The following ZFAT variants were observed in gnomAD, a reference collection of about 807,000 sequenced individuals.
ZFAT encodes the protein zinc finger protein ZFAT.
A neutral mutation model predicts 117.7 loss-of-function variants in ZFAT; 64 were observed. The ratio of observed to expected loss-of-function variants is 0.54; its 90% CI spans 0.44 to 0.67. The LOEUF is 0.67. Among genes scored for constraint, ZFAT ranks in the 30% least tolerant of loss-of-function variants. The probability of loss-of-function intolerance (pLI) is 0.00; values close to 1 mark genes in which losing one functional copy is unlikely to be tolerated. For synonymous variants in ZFAT, 679 were observed against 615.0 expected (o/e 1.10, Z -1.54); for missense variants, 1,433 against 1,584.5 (o/e 0.90, Z 1.62).
the ZFAT span, among the ~76,000 whole-genome samples, chr8:134,776,462 C>A: frequency 2.0e-5 from 3 of 151,992 alleles, no homozygotes; most frequent in Non-Finnish European, 4.4e-5. Context: ...ACCACCACAT[C>A]CGGCTAGTTA....
intron 11 of ZFAT, among the ~76,000 whole-genome samples, chr8:134,557,167 A>G (rs181847851): frequency 1.3e-5 from 2 of 152,072 alleles, no homozygotes; most frequent in African/African-American, 4.8e-5. Context: ...AATATGTTGT[A>G]ACAAAGATAA....
the ZFAT span, among the ~76,000 whole-genome samples, chr8:134,817,693 A>T: frequency 6.6e-6 from 1 of 152,176 alleles, no homozygotes; most frequent in South Asian, 2.1e-4. Context: ...AAAAACTGAC[A>T]CTTATTCTAA....
At chr8:134,807,912 A>G in the ZFAT span, among the ~76,000 whole-genome samples, 1 of 152,178 alleles carries the variant, frequency 6.6e-6, no homozygotes, top group African/African-American at 2.4e-5. Context: ...GGTGTTTAGG[A>G]CAGAAAGATG....
At chr8:134,635,736 T>TAAC (rs1830173180) in intron 3 of ZFAT, among the ~76,000 whole-genome samples, 2 of 151,976 alleles carry the variant, frequency 1.3e-5, no homozygotes, top group Admixed American at 1.3e-4. Flanking sequence ...ATCCAGTGAT[T>TAAC]AACAAATCAC....
At chr8:134,789,510 T>C in the ZFAT span, among the ~76,000 whole-genome samples, 252 of 152,330 alleles carry the variant, frequency 1.7e-3, no homozygotes, top group Non-Finnish European at 2.8e-3. Flanking sequence ...CATTTTTCAC[T>C]CAAAAGTCTT....
intron 7 of ZFAT, among the ~76,000 whole-genome samples, chr8:134,592,908 A>C (rs1427259167): frequency 6.6e-6 from 1 of 152,238 alleles, no homozygotes; most frequent in African/African-American, 2.4e-5. Flanking sequence ...AAACATCTGA[A>C]TACCAAGCAA....
intron 2 of ZFAT, among the ~76,000 whole-genome samples, chr8:134,655,674 T>C (rs1213242429): frequency 6.6e-6 from 1 of 152,056 alleles, no homozygotes; most frequent in Non-Finnish European, 1.5e-5. Context: ...AAATAAAAAT[T>C]AAAATTTCTC....
chr8:134,532,943 G>A lies in ZFAT; in HGVS notation c.3006C>T (p.Ser1002=). 1 of 1,607,836 alleles carries A rather than the reference G, an allele frequency of 6.2e-7. No individual in the cohort carries two copies. Among genetic ancestry groups the A allele is most frequent in the South Asian group, 1.1e-5 (1 of 89,422 alleles). Residue 1002 remains serine (S), a synonymous_variant, in exon 12 of 16, where the codon TCC becomes TCT. Coordinates refer to ENST00000377838, the MANE Select transcript of ZFAT (RefSeq NM_020863.4). Reference sequence around the variant, plus strand: ...GCTTCAGAGAGCCAGATATGTTGCAGGAGTAATGGCAATGGGCACAGCGGA... The same window carrying A: ...GCTTCAGAGAGCCAGATATGTTGCAAGAGTAATGGCAATGGGCACAGCGGA... ...KPFRCAHCHY[S]CNISGSLKRH... is the part of the protein sequence containing the mutation.
At chr8:134,624,179 T>A in intron 3 of ZFAT, among the ~76,000 whole-genome samples, 1 of 81,746 alleles carries the variant, frequency 1.2e-5, no homozygotes, top group East Asian at 3.6e-4. Context: ...CATGTGCACA[T>A]GCACACACAC....
At chr8:134,535,920 T>C (rs549398423) in intron 11 of ZFAT, among the ~76,000 whole-genome samples, 7 of 152,306 alleles carry the variant, frequency 4.6e-5, no homozygotes, top group Admixed American at 2.6e-4. Context: ...AAATGCTATA[T>C]TGCCAGCATC....
chr8:134,654,547 A>AC (rs1266514693), intron 2 of ZFAT, among the ~76,000 whole-genome samples: 1 of 152,182 alleles, frequency 6.6e-6, no homozygotes, highest in East Asian at 1.9e-4. Context: ...GAAGGGCCCC[A>AC]CCAGTGAATC....
At chr8:134,563,761 A>T (rs1436706687) in intron 11 of ZFAT, among the ~76,000 whole-genome samples, 1 of 152,166 alleles carries the variant, frequency 6.6e-6, no homozygotes, top group African/African-American at 2.4e-5. Context: ...CACGCAATGG[A>T]TGTTCAATAA....
At chr8:134,804,321 G>A in the ZFAT span, among the ~76,000 whole-genome samples, 15 of 152,278 alleles carry the variant, frequency 9.9e-5, no homozygotes, top group African/African-American at 3.6e-4. Flanking sequence ...GTGGCTTGAC[G>A]TCTTGCAGTT....
the ZFAT span, among the ~76,000 whole-genome samples, chr8:134,799,402 AAAAG>A: frequency 1.3e-5 from 2 of 152,236 alleles, no homozygotes; most frequent in Non-Finnish European, 2.9e-5. Context: ...TATCACCAAA[AAAAG>A]AAAAGGCAGG....
chr8:134,480,503 G>A (rs908789157), intron 15 of ZFAT, among the ~76,000 whole-genome samples: 4 of 152,200 alleles, frequency 2.6e-5, no homozygotes, highest in South Asian at 2.1e-4. Flanking sequence ...CAGATGCCAC[G>A]CTGTGCACTA....
At chr8:134,514,848 T>C (rs1030628976) in intron 13 of ZFAT, among the ~76,000 whole-genome samples, 5 of 152,196 alleles carry the variant, frequency 3.3e-5, no homozygotes, top group Admixed American at 2.0e-4. Flanking sequence ...CTGGGGTACA[T>C]GTGCAGAACA....
chr8:134,787,132 C>A, the ZFAT span, among the ~76,000 whole-genome samples: 17 of 152,188 alleles, frequency 1.1e-4, no homozygotes, highest in Non-Finnish European at 2.4e-4. Flanking sequence ...CAGGCATGAG[C>A]CACTGTGTCT....
the ZFAT span, among the ~76,000 whole-genome samples, chr8:134,816,841 C>T: frequency 6.6e-6 from 1 of 151,860 alleles, no homozygotes; most frequent in Non-Finnish European, 1.5e-5. Context: ...ATTAACTGGG[C>T]ATGGTGGTGC....
chr8:134,712,810 C>CCCCCCCGGGG, intron 1 of ZFAT, 35 bp downstream of exon 1: 3 of 1,024,536 alleles, frequency 2.9e-6, no homozygotes, highest in Non-Finnish European at 4.2e-6. Flanking sequence ...GCCCCACCCC[C>CCCCCCCGGGG]ACCCCGTCTC....
Sources: allele counts gnomAD v4.1 joint callset (sites outside exome capture counted in the v4.1 genomes callset), GRCh38; gene constraint gnomAD v4.1.1; transcripts MANE v1.5; gene names NCBI Gene and HGNC (gene_info 2026-07-23, HGNC 2026-07-21).